Variants in MPP2 observed in about 807,000 individuals in gnomAD.
MPP2 encodes the protein MAGUK p55 scaffold protein 2.
MPP2 carries 42 observed loss-of-function variants against 58.5 expected under a neutral mutation model. The observed-to-expected ratio is 0.72, with a 90% CI of 0.56 to 0.93. MPP2 has a LOEUF of 0.93. MPP2 is among the 40% of genes least tolerant of loss of function. MPP2 has a pLI of 0.00. For synonymous variants in MPP2, 300 were observed against 307.8 expected (o/e 0.97, Z 0.26); for missense variants, 632 against 760.4 (o/e 0.83, Z 1.99).
chr17:43,884,946 C>T (rs1388780482), intron 3 of MPP2, among the ~76,000 whole-genome samples: 1 of 152,002 alleles, frequency 6.6e-6, no homozygotes, highest in South Asian at 2.1e-4. Flanking sequence ...CATGGTGAAA[C>T]CCCGTTTCTA....
Position 43,900,648 on chromosome 17 carries a change from T to C in MPP2, c.32-2268A>G, listed in dbSNP as rs1212016760. 2.1e-6 allele frequency: 3 copies of C among 1,430,766 alleles called. No individual in the cohort carries two copies. The South Asian group carries it at 4.5e-5, about 22-fold the overall frequency. The allele number at this position is 1,430,766 out of a possible 1,614,324, so 88.6% of individuals were successfully genotyped here. ...CTGGCCGGGCTGGGGAAGGCGGGAG[T>C]CGAGGAGCGCCCTCTGAGGAACCAG... is the stretch of plus-strand genomic sequence containing the variant. On this transcript the variant is annotated intron_variant, in intron 2 of 12. Transcript: ENST00000269095.
chr17:43,907,185 G>C, intron 1 of MPP2: 1 of 985,512 alleles, frequency 1.0e-6, no homozygotes, highest in Non-Finnish European at 1.2e-6. Context: ...AGGCCGCGCA[G>C]ATACCGGGGC....
upstream of MPP2, chr17:43,907,865 C>T (rs1390558972): frequency 6.1e-6 from 6 of 985,344 alleles, no homozygotes; most frequent in Non-Finnish European, 6.0e-6. Context: ...GCCCACCCAT[C>T]TTGGCTTAGA....
At chr17:43,905,322 G>A (rs748344822) in intron 1 of MPP2, 2 of 152,198 alleles carry the variant, frequency 1.3e-5, no homozygotes, top group Non-Finnish European at 2.9e-5. Context: ...CTACCAAAGC[G>A]CCGATGTTCC....
intron 3 of MPP2, among the ~76,000 whole-genome samples, chr17:43,893,322 C>T (rs2047686101): frequency 6.6e-6 from 1 of 152,172 alleles, no homozygotes; most frequent in South Asian, 2.1e-4. Context: ...TTCAAAACTG[C>T]ACATATTCAT....
At chr17:43,907,321 G>A in intron 1 of MPP2, 153 bp downstream of exon 1, 1 of 985,702 alleles carries the variant, frequency 1.0e-6, no homozygotes, top group African/African-American at 1.7e-5. Flanking sequence ...AGGGCCCAGG[G>A]GCGGGGGCGG....
chr17:43,877,984 C>T lies in MPP2; in HGVS notation c.1483-1G>A, dbSNP rs753469826. On this transcript the variant is annotated splice_acceptor_variant, in intron 12 of 12. Coordinates refer to ENST00000269095, the MANE Select transcript of MPP2 (RefSeq NM_005374.5). LOFTEE classifies it high-confidence loss of function. ...CCACTGTCCGTCTCAGGTCCGCCTC[C>T]TGCCCAGGCACAAGGGGACCTCCCT... 1.2e-6 allele frequency: 2 copies of T among 1,611,482 alleles called. No homozygotes were observed. Among genetic ancestry groups the T allele is most frequent in the Non-Finnish European group, 1.7e-6 (2 of 1,178,770 alleles).
At position 43,877,777 on chromosome 17, in the gene MPP2, C is replaced by G. The variant is rs1444624448; in HGVS notation, c.*30G>C. On this transcript the variant is annotated 3_prime_UTR_variant, in exon 13 of 13. Transcript: ENST00000269095. The stretch of plus-strand genomic sequence containing the variant: ...TGGATTCAGGTTCTGGGTTTCAACA[C>G]AGAGTGAGCCAAAGACCAGGTGAAC... 3.8e-6 allele frequency: 6 copies of G among 1,595,392 alleles called. No homozygotes were observed. The highest frequency in any genetic ancestry group is 5.1e-6 in the Non-Finnish European group (6 of 1,165,384).
chr17:43,906,938 C>T (rs1330196184), intron 1 of MPP2, among the ~76,000 whole-genome samples: 2 of 151,672 alleles, frequency 1.3e-5, no homozygotes, highest in African/African-American at 4.9e-5. Context: ...GTCTCCAGAC[C>T]CTAACCCTGG....
chr17:43,884,146 C>A (rs1380464718), intron 3 of MPP2: 1 of 702,618 alleles, frequency 1.4e-6, no homozygotes, highest in South Asian at 1.5e-5. Context: ...AACCACAATA[C>A]CATTATCACC....
chr17:43,891,807 T>C (rs932928825), intron 3 of MPP2, among the ~76,000 whole-genome samples: 1 of 151,894 alleles, frequency 6.6e-6, no homozygotes, highest in African/African-American at 2.4e-5. Flanking sequence ...TTCAGAGAGG[T>C]TGACAGATAT....
At chr17:43,885,030 G>A (rs1221709722) in intron 3 of MPP2, among the ~76,000 whole-genome samples, 1 of 151,062 alleles carries the variant, frequency 6.6e-6, no homozygotes, top group Non-Finnish European at 1.5e-5. Flanking sequence ...GCTGAGGCAG[G>A]AGAACCGCTT....
chr17:43,909,192 G>A (rs998934326), upstream of MPP2, among the ~76,000 whole-genome samples: 2 of 151,918 alleles, frequency 1.3e-5, no homozygotes, highest in South Asian at 2.1e-4. Flanking sequence ...TCAGCTTCCC[G>A]AGTAGCTGGG....
At position 43,880,571 on chromosome 17, in the gene MPP2, G is replaced by A; in HGVS notation, c.1150+120C>T. ...ACAGAGGGCGTGCACCCCAACCCGTGTACCCAAAGGTACCACCTGGCCTGG... is the reference window on the plus strand; with the variant it reads ...ACAGAGGGCGTGCACCCCAACCCGTATACCCAAAGGTACCACCTGGCCTGG... On this transcript the variant is annotated intron_variant, in intron 10 of 12. Transcript: ENST00000269095. This position sits in a 1 kb window ranked among gnomAD's most constrained non-coding sequence, Gnocchi z 5.2. 8.4e-7 allele frequency: 1 copy of A among 1,196,236 alleles called. No individual in the cohort carries two copies. Among genetic ancestry groups the A allele is most frequent in the Non-Finnish European group, 1.1e-6 (1 of 877,958 alleles). 74.1% of individuals were successfully genotyped at this position (1,196,236 alleles called of 1,614,324 possible). A position where few individuals can be genotyped will look rare whatever the true frequency, so the allele number is the denominator to read the frequency against.
At chr17:43,884,370 G>A (rs1242489724) in intron 3 of MPP2, among the ~76,000 whole-genome samples, 2 of 152,066 alleles carry the variant, frequency 1.3e-5, no homozygotes, top group African/African-American at 2.4e-5. Context: ...AACATTTGTT[G>A]TTTTGTTTTT....
At position 43,875,930 on chromosome 17, in the gene MPP2, A is replaced by C. The variant is rs2046810577; in HGVS notation, c.*1877T>G. 1 of 152,360 alleles carries C rather than the reference A, an allele frequency of 6.6e-6. No individual in the cohort carries two copies. Among genetic ancestry groups the C allele is most frequent in the East Asian group, 1.9e-4 (1 of 5,182 alleles). 9.4% of individuals were successfully genotyped at this position (152,360 alleles called of 1,614,324 possible). A position where few individuals can be genotyped will look rare whatever the true frequency, so the allele number is the denominator to read the frequency against. On this transcript the variant is annotated 3_prime_UTR_variant, in exon 13 of 13. Coordinates refer to ENST00000269095, the MANE Select transcript of MPP2 (RefSeq NM_005374.5). ...GCAAGTGACCCTATAGCCTCAGGTC[A>C]GCAAGAAAACACCCCATTTCCTTCC... is the stretch of plus-strand genomic sequence containing the variant.
chr17:43,908,487 C>A (rs779200886), upstream of MPP2, among the ~76,000 whole-genome samples: 1 of 152,230 alleles, frequency 6.6e-6, no homozygotes, highest in Non-Finnish European at 1.5e-5. Flanking sequence ...ATAATCCCAA[C>A]ACTTTGGGAG....
intron 2 of MPP2, chr17:43,900,724 C>G: frequency 8.2e-7 from 1 of 1,224,104 alleles, no homozygotes; most frequent in Non-Finnish European, 1.1e-6. Context: ...GGCTAAAGCC[C>G]TGACTGGCGC....
In MPP2 at chr17:43,888,931, A is replaced by AT. The variant is rs56759202; in HGVS notation, c.151-5577dup. 1.7e-3 allele frequency among the ~76,000 whole-genome samples: 253 copies of AT among 147,318 alleles called. 1 individual carries two copies. The highest frequency in any genetic ancestry group is 4.4e-3 in the African/African-American group (177 of 40,342). On this transcript the variant is annotated intron_variant, in intron 3 of 12. Transcript: ENST00000269095. ...AACAATTCAGTAGGCTGAACAAATA[A>AT]TTTTTTTTTTTTTTAGACGGAGTCT...
Sources: gnomAD v4.1 joint callset for allele counts (sites outside exome capture counted in the v4.1 genomes callset) on GRCh38, gnomAD v4.1.1 for gene constraint, Gnocchi (gnomAD v3.1) non-coding constraint, MANE v1.5 for transcripts, NCBI Gene and HGNC (gene_info 2026-07-23, HGNC 2026-07-21) for gene names.